Variants in CYP19A1 observed in about 807,000 individuals in gnomAD.
CYP19A1 encodes the protein aromatase.
In CYP19A1, 32 loss-of-function variants were observed where a neutral mutation model predicts 44.4. That is an observed-to-expected ratio of 0.72 (90% CI 0.54 to 0.97). CYP19A1 has a LOEUF of 0.97. CYP19A1 is among the 50% of genes least tolerant of loss of function. CYP19A1 has a pLI of 0.00. For missense variants in CYP19A1, 598 were observed against 637.8 expected (o/e 0.94, Z 0.67); for synonymous variants, 212 against 215.6 (o/e 0.98, Z 0.14).
intron 1 of CYP19A1, among the ~76,000 whole-genome samples, chr15:51,331,909 G>A (rs2036707286): frequency 1.3e-5 from 2 of 150,014 alleles, no homozygotes; most frequent in Non-Finnish European, 3.0e-5. Flanking sequence ...TTTATTTCTT[G>A]TATGTGTGTG....
intron 2 of CYP19A1, among the ~76,000 whole-genome samples, 162 bp downstream of exon 2, chr15:51,242,606 T>A (rs1334169798): frequency 2.6e-5 from 4 of 152,162 alleles, no homozygotes; most frequent in African/African-American, 9.7e-5. Flanking sequence ...AGATAATTGG[T>A]CTGAAAATTT....
intron 5 of CYP19A1, 21 bp downstream of exon 5, chr15:51,222,328 T>C (rs757302373): frequency 1.2e-6 from 2 of 1,613,984 alleles, no homozygotes; most frequent in East Asian, 4.5e-5. Flanking sequence ...GGTCAAGATG[T>C]GAGAGTGAAA....
At chr15:51,320,165 C>T (rs1333078517) in intron 1 of CYP19A1, 1 of 152,378 alleles carries the variant, frequency 6.6e-6, no homozygotes. Flanking sequence ...CCATCCTCGG[C>T]TCCCATCCCT....
intron 1 of CYP19A1, among the ~76,000 whole-genome samples, chr15:51,269,017 T>C (rs2035028765): frequency 6.6e-6 from 1 of 152,154 alleles, no homozygotes; most frequent in South Asian, 2.1e-4. Flanking sequence ...TTTGTGTCTA[T>C]TGAGGATTAA....
chr15:51,311,847 G>T (rs528335431), intron 1 of CYP19A1, among the ~76,000 whole-genome samples: 1 of 152,242 alleles, frequency 6.6e-6, no homozygotes, highest in South Asian at 2.1e-4. Flanking sequence ...CAGTCTTTCT[G>T]CCTGGGCCTC....
intron 1 of CYP19A1, among the ~76,000 whole-genome samples, chr15:51,249,096 C>G (rs12901286): frequency 6.6e-6 from 1 of 151,966 alleles, no homozygotes; most frequent in African/African-American, 2.4e-5. Flanking sequence ...CCCACTACCA[C>G]GCCCGTCCAA....
At chr15:51,300,250 C>T (rs920189196) in intron 1 of CYP19A1, among the ~76,000 whole-genome samples, 1 of 152,182 alleles carries the variant, frequency 6.6e-6, no homozygotes, top group South Asian at 2.1e-4. Flanking sequence ...AAGGCAGATC[C>T]ATGATCTCTA....
At chr15:51,324,868 C>T (rs1160354892) in intron 1 of CYP19A1, among the ~76,000 whole-genome samples, 1 of 152,082 alleles carries the variant, frequency 6.6e-6, no homozygotes, top group African/African-American at 2.4e-5. Flanking sequence ...AAACAAAAGT[C>T]AGAGGCAAAA....
chr15:51,219,784 T>C (rs2031910025), intron 5 of CYP19A1, among the ~76,000 whole-genome samples: 1 of 152,228 alleles, frequency 6.6e-6, no homozygotes, highest in African/African-American at 2.4e-5. Context: ...TGATCCTTCC[T>C]AATGAGGCAA....
intron 1 of CYP19A1, among the ~76,000 whole-genome samples, chr15:51,329,327 C>T (rs1322503534): frequency 6.6e-6 from 1 of 152,128 alleles, no homozygotes; most frequent in African/African-American, 2.4e-5. Flanking sequence ...TCAGCAGGAG[C>T]CAGGCAATGG....
At chr15:51,289,934 A>G (rs74013190) in intron 1 of CYP19A1, among the ~76,000 whole-genome samples, 22,068 of 151,972 alleles carry the variant, frequency 0.15, 2,977 homozygotes, top group African/African-American at 0.35. Context: ...CAGCACCCCC[A>G]ACTTCCCACC....
At chr15:51,299,029 A>G (rs981648257) in intron 1 of CYP19A1, among the ~76,000 whole-genome samples, 1 of 152,210 alleles carries the variant, frequency 6.6e-6, no homozygotes, top group African/African-American at 2.4e-5. Flanking sequence ...TTTTGCTGGA[A>G]CCGGCAAGGC....
intron 1 of CYP19A1, among the ~76,000 whole-genome samples, chr15:51,288,690 C>A (rs1444652307): frequency 1.3e-5 from 2 of 152,196 alleles, no homozygotes; most frequent in African/African-American, 4.8e-5. Flanking sequence ...GCCCCACAAG[C>A]CTGCTCCTTG....
At chr15:51,325,836 CAAAAAAAAAAAAA>C (rs61378264) in intron 1 of CYP19A1, among the ~76,000 whole-genome samples, 3 of 57,188 alleles carry the variant, frequency 5.2e-5, no homozygotes, top group South Asian at 2.3e-3. Context: ...GACTCCGTCT[CAAAAAAAAAAAAA>C]AAAAAAAAAA....
At chr15:51,282,706 T>G (rs2035566072) in intron 1 of CYP19A1, among the ~76,000 whole-genome samples, 1 of 152,118 alleles carries the variant, frequency 6.6e-6, no homozygotes, top group South Asian at 2.1e-4. Flanking sequence ...CTGCCCAACG[T>G]GGGGCGACAA....
chr15:51,214,029 C>A (rs2031312721), intron 8 of CYP19A1, among the ~76,000 whole-genome samples: 1 of 152,144 alleles, frequency 6.6e-6, no homozygotes, highest in South Asian at 2.1e-4. Flanking sequence ...CCCTTCTCTC[C>A]CATATTTAAC....
At chr15:51,286,130 C>T (rs1283582776) in intron 1 of CYP19A1, among the ~76,000 whole-genome samples, 1 of 152,154 alleles carries the variant, frequency 6.6e-6, no homozygotes, top group Non-Finnish European at 1.5e-5. Context: ...TGGGCCTGAT[C>T]CAACTCTCCA....
intron 1 of CYP19A1, among the ~76,000 whole-genome samples, chr15:51,331,831 T>C (rs2036706286): frequency 6.6e-6 from 1 of 152,164 alleles, no homozygotes; most frequent in African/African-American, 2.4e-5. Flanking sequence ...CCTGCTTTGT[T>C]ATTTGCATTT....
intron 1 of CYP19A1, among the ~76,000 whole-genome samples, chr15:51,249,826 G>A (rs1332920236): frequency 6.6e-6 from 1 of 152,180 alleles, no homozygotes; most frequent in Non-Finnish European, 1.5e-5. Context: ...CTTGTCAATA[G>A]TTACTTAAAA....
Sources: gnomAD v4.1 joint callset for allele counts (sites outside exome capture counted in the v4.1 genomes callset) on GRCh38, gnomAD v4.1.1 for gene constraint, MANE v1.5 for transcripts, NCBI Gene and HGNC (gene_info 2026-07-23, HGNC 2026-07-21) for gene names.